The following ITPR1 variants were observed in gnomAD, a reference collection of about 807,000 sequenced individuals.
ITPR1 encodes the protein inositol 1,4,5-trisphosphate receptor type 1, also known as inositol 1,4,5-trisphosphate-gated calcium channel ITPR1.
In ITPR1, 96 loss-of-function variants were observed where a neutral mutation model predicts 318.4. That is an observed-to-expected ratio of 0.30 (90% CI 0.26 to 0.36). ITPR1 has a LOEUF of 0.36. Ranked by LOEUF, ITPR1 falls within the 10% of genes least tolerant of loss-of-function variation. ITPR1 has a pLI of 1.00. For synonymous variants in ITPR1, 1,312 were observed against 1,289.9 expected (o/e 1.02, Z -0.37); for missense variants, 2,440 against 3,460.2 (o/e 0.71, Z 7.40).
At chr3:4,514,447 A>G (rs2082046171) in intron 2 of ITPR1, among the ~76,000 whole-genome samples, 1 of 152,172 alleles carries the variant, frequency 6.6e-6, no homozygotes, top group African/African-American at 2.4e-5. Flanking sequence ...AGGACACTGA[A>G]TTGTCTGCTT....
intron 39 of ITPR1, 97 bp downstream of exon 39, chr3:4,711,965 A>AG: frequency 1.8e-6 from 1 of 543,004 alleles, no homozygotes; most frequent in Non-Finnish European, 3.3e-6. Flanking sequence ...TTACTGACTG[A>AG]GGGGCTAGCT....
chr3:4,536,309 G>C (rs2083866353), intron 4 of ITPR1, among the ~76,000 whole-genome samples: 1 of 152,172 alleles, frequency 6.6e-6, no homozygotes, highest in African/African-American at 2.4e-5. Context: ...TGGACTTTAA[G>C]ATAACTATCT....
intron 4 of ITPR1, among the ~76,000 whole-genome samples, chr3:4,611,735 C>T (rs1266463072): frequency 6.6e-6 from 1 of 151,946 alleles, no homozygotes; most frequent in African/African-American, 2.4e-5. Context: ...GCCAGCGAGA[C>T]CTTCTCTCAA....
intron 46 of ITPR1, among the ~76,000 whole-genome samples, chr3:4,773,105 G>A (rs949710593): frequency 1.2e-4 from 19 of 152,226 alleles, no homozygotes; most frequent in Non-Finnish European, 2.5e-4. Flanking sequence ...CCCTCTGTAC[G>A]CACATCACAG....
chr3:4,806,500 A>G (rs2048563983), intron 55 of ITPR1, among the ~76,000 whole-genome samples: 1 of 152,200 alleles, frequency 6.6e-6, no homozygotes, highest in Admixed American at 6.5e-5. Context: ...GGCACTCCCG[A>G]TCTGTTACTT....
chr3:4,629,642 A>T (rs750063432), intron 5 of ITPR1, among the ~76,000 whole-genome samples: 1 of 152,242 alleles, frequency 6.6e-6, no homozygotes, highest in Non-Finnish European at 1.5e-5. Flanking sequence ...GGTGCTAGAG[A>T]TAGAAGTATA....
At chr3:4,684,770 A>G (rs186443261) in intron 29 of ITPR1, among the ~76,000 whole-genome samples, 286 of 152,298 alleles carry the variant, frequency 1.9e-3, no homozygotes, top group Middle Eastern at 0.017. Flanking sequence ...TTTACCCCAG[A>G]GCAAACTCTT....
chr3:4,517,927 A>C (rs2082280546), intron 3 of ITPR1, among the ~76,000 whole-genome samples: 1 of 152,250 alleles, frequency 6.6e-6, no homozygotes, highest in Admixed American at 6.5e-5. Flanking sequence ...TGTGCTAGGC[A>C]CTATGCTAAA....
intron 4 of ITPR1, among the ~76,000 whole-genome samples, chr3:4,547,640 A>G (rs544805847): frequency 2.0e-5 from 3 of 152,362 alleles, no homozygotes; most frequent in Non-Finnish European, 2.9e-5. Flanking sequence ...CTTAAACTGT[A>G]GCATAATATC....
rs900827195 is a variant in ITPR1 at position 4,532,008 on chromosome 3, A to T, written c.163+10914A>T. 3.3e-5 allele frequency among the ~76,000 whole-genome samples: 5 copies of T among 152,336 alleles called. 1 individual carries two copies. On this transcript the variant is annotated intron_variant, in intron 4 of 61. Transcript: ENST00000649015. Reference sequence around the variant, plus strand: ...ATTATGTATACCTCACAGGGTTTTCATGAGGATTAAATGAGTTAATCTGTG... The same window carrying T: ...ATTATGTATACCTCACAGGGTTTTCTTGAGGATTAAATGAGTTAATCTGTG...
At chr3:4,644,018 C>A in intron 7 of ITPR1, 118 bp from the exon 8 acceptor site, 1 of 679,784 alleles carries the variant, frequency 1.5e-6, no homozygotes. Flanking sequence ...TTTATACTTG[C>A]TGGGGATAGG....
intron 30 of ITPR1, among the ~76,000 whole-genome samples, chr3:4,686,945 A>C (rs1162106637): frequency 1.3e-5 from 2 of 152,222 alleles, no homozygotes; most frequent in African/African-American, 4.8e-5. Context: ...TAAGGGACAA[A>C]TGTAATCCCC....
chr3:4,595,129 G>T (rs1384857253), intron 4 of ITPR1, among the ~76,000 whole-genome samples: 3 of 152,164 alleles, frequency 2.0e-5, no homozygotes, highest in Non-Finnish European at 4.4e-5. Context: ...ATAATGAAAC[G>T]TGTATTAGTC....
chr3:4,831,127 T>TCACACACA (rs879186803), intron 60 of ITPR1: 7,883 of 331,738 alleles, frequency 0.024, 107 homozygotes, highest in Admixed American at 0.058. Flanking sequence ...TCTCTCTCTC[T>TCACACACA]CTCTCACACA....
intron 4 of ITPR1, among the ~76,000 whole-genome samples, chr3:4,521,796 G>A (rs1184146819): frequency 1.3e-5 from 2 of 152,088 alleles, no homozygotes; most frequent in Non-Finnish European, 2.9e-5. Context: ...CCTGAGCCTG[G>A]GAGTTCCAGG....
chr3:4,785,721 G>A (rs1457568315), intron 51 of ITPR1, among the ~76,000 whole-genome samples: 1 of 152,200 alleles, frequency 6.6e-6, no homozygotes, highest in East Asian at 1.9e-4. Context: ...TTGACTCACT[G>A]GGGAGAAGAC....
intron 58 of ITPR1, 147 bp downstream of exon 58, chr3:4,814,709 C>A: frequency 1.4e-6 from 1 of 721,762 alleles, no homozygotes; most frequent in Non-Finnish European, 2.3e-6. Context: ...GCTCATCAGG[C>A]TCCTTTCCTC....
At chr3:4,747,367 T>G (rs9880589) in intron 44 of ITPR1, among the ~76,000 whole-genome samples, 53,731 of 151,994 alleles carry the variant, frequency 0.35, 10,173 homozygotes, top group Non-Finnish European at 0.43. Flanking sequence ...TGGTAGTTGT[T>G]CCAGGGTTTG....
rs748153130 is a variant in ITPR1, at chr3:4,766,701, C to T, written c.5716C>T (p.Arg1906Trp). The change falls in exon 45 of 62, where the codon CGG (arginine) becomes TGG (tryptophan). Residue 1906 changes from arginine to tryptophan, a missense_variant. This residue lies in a region of ITPR1 where 113 missense variants were observed against 103.6 expected (regional missense o/e 1.09). Coordinates refer to ENST00000649015, the MANE Select transcript of ITPR1 (RefSeq NM_001378452.1). ...TGAGGTAGACAGGGATGCCCCATCACGGAAAAAAGGTAAATGTTCCTCAGT... is the reference window on the plus strand; with the variant it reads ...TGAGGTAGACAGGGATGCCCCATCATGGAAAAAAGGTAAATGTTCCTCAGT... Reference protein sequence around the residue: ...DDEVDRDAPSRKKAKEPTTQI... With the variant: ...DDEVDRDAPSWKKAKEPTTQI... 37 of 1,592,114 alleles carry T rather than the reference C, an allele frequency of 2.3e-5. No individual in the cohort carries two copies. The highest frequency in any genetic ancestry group is 5.7e-5 in the South Asian group (5 of 87,480).
Sources: gnomAD v4.1 joint callset for allele counts (sites outside exome capture counted in the v4.1 genomes callset) on GRCh38, gnomAD v4.1.1 for gene constraint, gnomAD v4.1.1 regional missense constraint, MANE v1.5 for transcripts, NCBI Gene and HGNC (gene_info 2026-07-23, HGNC 2026-07-21) for gene names.